The following RFX4 variants were observed in gnomAD, a reference collection of about 807,000 sequenced individuals.
The protein encoded by RFX4 is regulatory factor X4, also known as transcription factor RFX4.
A neutral mutation model predicts 95.0 loss-of-function variants in RFX4; 10 were observed. That is an observed-to-expected ratio of 0.11 (90% CI 0.06 to 0.18). RFX4 has a LOEUF of 0.18. Ranked by LOEUF, RFX4 falls within the 10% of genes least tolerant of loss-of-function variation. RFX4 has a pLI of 1.00. For missense variants in RFX4, 640 were observed against 922.0 expected, an observed-to-expected ratio of 0.69 and a Z score of 3.96; for synonymous variants, 321 against 340.7, an observed-to-expected ratio of 0.94 and a Z score of 0.64.
At chr12:106,745,762 A>G (rs7133161) in intron 15 of RFX4, among the ~76,000 whole-genome samples, 54,992 of 151,966 alleles carry the variant, frequency 0.36, 10,019 homozygotes, top group South Asian at 0.4. Flanking sequence ...TCCTCCCTTA[A>G]ATTCTTTCAT....
rs1247601197 is a variant in RFX4, at chr12:106,720,824, T to C, written c.1299T>C (p.Cys433=). 1 of 1,613,634 alleles carries C rather than the reference T, an allele frequency of 6.2e-7. No homozygotes were observed. The highest frequency in any genetic ancestry group is 1.1e-5 in the South Asian group (1 of 91,050). The change falls in exon 13 of 18, where the codon TGT becomes TGC. Residue 433 remains cysteine, a synonymous_variant. Coordinates refer to ENST00000392842, the MANE Select transcript of RFX4 (RefSeq NM_213594.3). The surrounding 1 kb of genome is among the most constrained non-coding windows in gnomAD (Gnocchi z 4.2). ...AGCAGTTCCTCTTGATGTGGTCCTG[T>C]TTCGGCACAAGGGTGATCCGGGACA... ...VAQQFLLMWS[C]FGTRVIRDMT...
intron 1 of RFX4, among the ~76,000 whole-genome samples, chr12:106,604,837 G>A (rs1195448756): frequency 1.3e-5 from 2 of 152,194 alleles, no homozygotes; most frequent in African/African-American, 2.4e-5. Flanking sequence ...GGAAAAGTTC[G>A]AATACAAAGC....
At chr12:106,674,258 T>A (rs1272397733) in intron 4 of RFX4, among the ~76,000 whole-genome samples, 1 of 152,128 alleles carries the variant, frequency 6.6e-6, no homozygotes, top group African/African-American at 2.4e-5. Flanking sequence ...TTCCTTTAGG[T>A]CACTACTCGG....
chr12:106,619,659 T>C (rs1227172253), intron 2 of RFX4, among the ~76,000 whole-genome samples: 1 of 152,234 alleles, frequency 6.6e-6, no homozygotes, highest in African/African-American at 2.4e-5. Context: ...TGCCATTGTC[T>C]CTTCAAATAT....
At chr12:106,628,160 C>T (rs4964182) in intron 2 of RFX4, among the ~76,000 whole-genome samples, 3,571 of 152,218 alleles carry the variant, frequency 0.023, 233 homozygotes, top group East Asian at 0.22. Flanking sequence ...CCATTCTGCC[C>T]GCAGTGTCAG....
chr12:106,644,231 T>A (rs937064012), intron 3 of RFX4, among the ~76,000 whole-genome samples: 1 of 103,340 alleles, frequency 9.7e-6, no homozygotes, highest in Non-Finnish European at 2.2e-5. Context: ...CCATTTCCCC[T>A]TTTTTTTTTT....
chr12:106,628,486 CTT>C (rs2040349385), intron 2 of RFX4, among the ~76,000 whole-genome samples: 1 of 152,196 alleles, frequency 6.6e-6, no homozygotes, highest in Non-Finnish European at 1.5e-5. Context: ...TCCAGGACCA[CTT>C]ATCCATTTGA....
chr12:106,641,529 C>A (rs2040622356), intron 3 of RFX4, among the ~76,000 whole-genome samples: 1 of 152,206 alleles, frequency 6.6e-6, no homozygotes. Flanking sequence ...ATAGGCACAG[C>A]CAGTTCTCCT....
At chr12:106,747,317 A>G in intron 15 of RFX4, 120 bp from the exon 16 acceptor site, 1 of 1,062,496 alleles carries the variant, frequency 9.4e-7, no homozygotes. Context: ...AGAGTCAGAG[A>G]TACATGTCTT....
chr12:106,648,604 T>TA (rs35119944), intron 3 of RFX4, among the ~76,000 whole-genome samples: 1,737 of 133,748 alleles, frequency 0.013, 29 homozygotes, highest in African/African-American at 0.042. Context: ...GGGCTTTCTG[T>TA]AAAAAAAAAA....
At chr12:106,682,172 A>T in intron 5 of RFX4, 118 bp downstream of exon 5, 1 of 1,042,862 alleles carries the variant, frequency 9.6e-7, no homozygotes, top group East Asian at 2.4e-5. Flanking sequence ...GTCTGTGCCT[A>T]GAGGGAATAT....
At chr12:106,701,710 A>G (rs1002070087) in intron 8 of RFX4, among the ~76,000 whole-genome samples, 38 of 152,110 alleles carry the variant, frequency 2.5e-4, no homozygotes, top group Admixed American at 3.9e-4. Context: ...TTTTATGTCA[A>G]TTTCTAATAT....
chr12:106,761,257 C>T lies in RFX4; in HGVS notation c.1996C>T (p.Leu666=). Residue 666 remains leucine (L), a synonymous_variant, in exon 18 of 18, where the codon CTG becomes TTG. Transcript: ENST00000392842. The part of the protein sequence containing the change: ...EPCLMSSTPR[L]HPTPVTPRWP... Reference sequence around the variant, plus strand: ...TTGTTTGATGAGCAGTACTCCCAGACTGCATCCTACCCCAGTCACTCCCCG... The same window carrying T: ...TTGTTTGATGAGCAGTACTCCCAGATTGCATCCTACCCCAGTCACTCCCCG... 6.2e-7 allele frequency: 1 copy of T among 1,614,180 alleles called. No individual in the cohort carries two copies. Among genetic ancestry groups the T allele is most frequent in the Non-Finnish European group, 8.5e-7 (1 of 1,180,036 alleles).
At chr12:106,735,062 A>C (rs1408745429) in intron 15 of RFX4, among the ~76,000 whole-genome samples, 1 of 149,622 alleles carries the variant, frequency 6.7e-6, no homozygotes, top group Non-Finnish European at 1.5e-5. Flanking sequence ...AAAAAAAAAG[A>C]AGAAGAAGAA....
chr12:106,642,209 C>T (rs1356090870), intron 3 of RFX4, among the ~76,000 whole-genome samples: 2 of 151,792 alleles, frequency 1.3e-5, no homozygotes, highest in Non-Finnish European at 2.9e-5. Flanking sequence ...AGGGTTTCTC[C>T]GTGTTGGTCA....
chr12:106,689,325 G>A lies in RFX4; in HGVS notation c.630G>A (p.Gln210=). 8.1e-6 allele frequency: 13 copies of A among 1,614,016 alleles called. No homozygotes were observed. Among genetic ancestry groups the A allele is most frequent in the Non-Finnish European group, 1.1e-5 (13 of 1,179,830 alleles). Residue 210 remains glutamine, a synonymous_variant, in exon 7 of 18, where the codon CAG becomes CAA. Transcript: ENST00000392842. Reference sequence around the variant, plus strand: ...TTATGATGTACAGAACACACTGTCAGAGAATACTGGACACTGTAATAAGAG... The same window carrying A: ...TTATGATGTACAGAACACACTGTCAAAGAATACTGGACACTGTAATAAGAG... ...TFIMMYRTHC[Q]RILDTVIRAN...
chr12:106,650,139 A>T (rs1236246679), intron 3 of RFX4, among the ~76,000 whole-genome samples: 2 of 152,232 alleles, frequency 1.3e-5, no homozygotes, highest in Non-Finnish European at 2.9e-5. Context: ...CCCATGCTTT[A>T]AAAAATCTAA....
chr12:106,645,782 G>T, intron 3 of RFX4: 1 of 617,906 alleles, frequency 1.6e-6, no homozygotes. Flanking sequence ...TTACTCAACA[G>T]TGACAGAACA....
rs141936995 is a variant in RFX4 at position 106,627,259 on chromosome 12, C to T, written c.131-12073C>T. 2.3e-3 allele frequency among the ~76,000 whole-genome samples: 356 copies of T among 152,220 alleles called. 3 individuals are homozygous for T. The highest frequency in any genetic ancestry group is 4.5e-3 in the Admixed American group (69 of 15,294). Reference sequence around the variant, plus strand: ...ATTGTATTAAAATATCATTGCGGGCCGGACACAGTGGCTCATGCCTGTAAT... The same window carrying T: ...ATTGTATTAAAATATCATTGCGGGCTGGACACAGTGGCTCATGCCTGTAAT... On this transcript the variant is annotated intron_variant, in intron 2 of 17. Coordinates refer to ENST00000392842, the MANE Select transcript of RFX4 (RefSeq NM_213594.3).
Sources: allele counts gnomAD v4.1 joint callset (sites outside exome capture counted in the v4.1 genomes callset), GRCh38; gene constraint gnomAD v4.1.1; non-coding constraint Gnocchi (gnomAD v3.1); transcripts MANE v1.5; gene names NCBI Gene and HGNC (gene_info 2026-07-23, HGNC 2026-07-21).